CERKL: variants seen among roughly 807,000 people sequenced by gnomAD.
CERKL encodes CERK like autophagy regulator.
In CERKL, 61 loss-of-function variants were observed where a neutral mutation model predicts 63.4. That is an observed-to-expected ratio of 0.96 (90% CI 0.78 to 1.19). The LOEUF (loss-of-function observed/expected upper bound fraction) is 1.19. Ranked by LOEUF, CERKL falls within the 50% of genes most tolerant of loss-of-function variation. The pLI is 0.00. For synonymous variants in CERKL, 250 were observed against 230.5 expected (o/e 1.08, Z -0.77); for missense variants, 675 against 655.5 (o/e 1.03, Z -0.33).
At chr2:181,644,316 A>T (rs1332483598) in intron 1 of CERKL, among the ~76,000 whole-genome samples, 1 of 152,252 alleles carries the variant, frequency 6.6e-6, no homozygotes, top group African/African-American at 2.4e-5. Context: ...TGATCCCTTC[A>T]TCATTTCTTC....
intron 2 of CERKL, among the ~76,000 whole-genome samples, chr2:181,582,379 C>A (rs1168615892): frequency 6.6e-6 from 1 of 152,090 alleles, no homozygotes; most frequent in African/African-American, 2.4e-5. Context: ...AGCAACACAG[C>A]AACAGTTGTA....
chr2:181,616,487 C>G (rs1193261810), intron 1 of CERKL, among the ~76,000 whole-genome samples: 1 of 152,136 alleles, frequency 6.6e-6, no homozygotes, highest in Non-Finnish European at 1.5e-5. Context: ...GTTGGGATTA[C>G]AGGTGTGAGC....
intron 1 of CERKL, among the ~76,000 whole-genome samples, chr2:181,656,268 A>C (rs7596272): frequency 0.27 from 41,285 of 152,122 alleles, 6,756 homozygotes; most frequent in Middle Eastern, 0.4. Flanking sequence ...ACACTCCCAA[A>C]GCTCTGGAGT....
At chr2:181,561,974 C>A (rs1010051278) in intron 4 of CERKL, among the ~76,000 whole-genome samples, 2 of 151,962 alleles carry the variant, frequency 1.3e-5, no homozygotes, top group African/African-American at 2.4e-5. Flanking sequence ...CCATCACACC[C>A]GGCTAATTTT....
chr2:181,636,692 T>C (rs1687193545), intron 1 of CERKL, among the ~76,000 whole-genome samples: 1 of 152,198 alleles, frequency 6.6e-6, no homozygotes, highest in African/African-American at 2.4e-5. Context: ...TTTCTTTTTC[T>C]AGAATGGTTT....
intron 1 of CERKL, among the ~76,000 whole-genome samples, chr2:181,610,124 C>T (rs1224144419): frequency 6.6e-6 from 1 of 152,028 alleles, no homozygotes; most frequent in Non-Finnish European, 1.5e-5. Context: ...GAAATATTTG[C>T]AACATATGAC....
At chr2:181,573,628 T>C in intron 3 of CERKL, 125 bp downstream of exon 3, 1 of 719,114 alleles carries the variant, frequency 1.4e-6, no homozygotes, top group East Asian at 2.9e-5. Flanking sequence ...CAGTAGGTTA[T>C]GAAGACGTAA....
rs200432563 is a variant in CERKL, at chr2:181,656,938, C to T, written c.69G>A (p.Pro23=). 3.1e-5 allele frequency: 50 copies of T among 1,589,176 alleles called. No homozygotes were observed. The East Asian group carries it at 1.0e-3, about 33-fold the overall frequency. ...GCGCCGGAGGCACAGCGGCAGCCTC[C>T]GGGGGCGCCTCTTCCTCCCGGCCGC... ...LEGGREEEAP[P]EAAAVPPALL... is the part of the protein sequence containing the mutation. Residue 23 remains proline (P), a synonymous_variant, in exon 1 of 13, where the codon CCG becomes CCA. Transcript: ENST00000410087.
Position 181,558,547 on chromosome 2 carries a change from T to C in CERKL, c.820+19A>G. 6.2e-7 allele frequency: 1 copy of C among 1,612,370 alleles called. No individual in the cohort carries two copies. The highest frequency in any genetic ancestry group is 8.5e-7 in the Non-Finnish European group (1 of 1,179,182). ...GAGGGAGAAGGGTCAGTTTAATGAATCTGTAGCCACTCCCTTGCCTGCTGG... is the reference window on the plus strand; with the variant it reads ...GAGGGAGAAGGGTCAGTTTAATGAACCTGTAGCCACTCCCTTGCCTGCTGG... On this transcript the variant is annotated intron_variant, in intron 5 of 12. Transcript: ENST00000410087. The surrounding 1 kb of genome is among the most constrained non-coding windows in gnomAD (Gnocchi z 4.2).
At chr2:181,647,963 T>C (rs1418573621) in intron 1 of CERKL, among the ~76,000 whole-genome samples, 1 of 151,744 alleles carries the variant, frequency 6.6e-6, no homozygotes, top group Non-Finnish European at 1.5e-5. Context: ...GCTTCAAGAA[T>C]AGACCAGATC....
At position 181,550,754 on chromosome 2, in the gene CERKL, C is replaced by T. The variant is rs1687949512; in HGVS notation, c.821-1046G>A. Among the ~76,000 whole-genome samples the T allele has an allele frequency of 6.6e-6, 1 of 151,902 alleles. No individual in the cohort carries two copies. Among genetic ancestry groups the T allele is most frequent in the Non-Finnish European group, 1.5e-5 (1 of 67,956 alleles). ...AATTGGAGAAGCTGAGGCAGCTTAG[C>T]CATTATCAACCAAGAGGTCATTAAT... On this transcript the variant is annotated intron_variant, in intron 5 of 12. Coordinates refer to ENST00000410087, the MANE Select transcript of CERKL (RefSeq NM_201548.5). This position sits in a 1 kb window ranked among gnomAD's most constrained non-coding sequence, Gnocchi z 4.5.
intron 1 of CERKL, among the ~76,000 whole-genome samples, chr2:181,624,841 T>C (rs1436902834): frequency 6.6e-6 from 1 of 152,198 alleles, no homozygotes; most frequent in Non-Finnish European, 1.5e-5. Context: ...AGGAGGTACA[T>C]ATTTAGAGGC....
chr2:181,590,863 A>C (rs1206862603), intron 2 of CERKL, among the ~76,000 whole-genome samples: 1 of 152,182 alleles, frequency 6.6e-6, no homozygotes, highest in African/African-American at 2.4e-5. Flanking sequence ...CATGGAAAGG[A>C]ATTTATCAAT....
intron 1 of CERKL, among the ~76,000 whole-genome samples, chr2:181,609,985 T>C (rs1161326219): frequency 1.3e-5 from 2 of 151,920 alleles, no homozygotes; most frequent in Non-Finnish European, 1.5e-5. Context: ...TAACCTTAAA[T>C]AGAAAAGCCG....
intron 1 of CERKL, among the ~76,000 whole-genome samples, chr2:181,612,334 T>TGA: frequency 6.6e-6 from 1 of 152,192 alleles, no homozygotes; most frequent in South Asian, 2.1e-4. Context: ...CATGAGTTTT[T>TGA]TTAAGTATAT....
chr2:181,609,318 TG>T (rs1393913387), intron 1 of CERKL, among the ~76,000 whole-genome samples: 1 of 141,316 alleles, frequency 7.1e-6, no homozygotes, highest in Non-Finnish European at 1.5e-5. Context: ...TGGTATTTTT[TG>T]ATGTAAGGAA....
At position 181,634,946 on chromosome 2, in the gene CERKL, T is replaced by C. The variant is rs75242140; in HGVS notation, c.238+21823A>G. On this transcript the variant is annotated intron_variant, in intron 1 of 12. Coordinates refer to ENST00000410087, the MANE Select transcript of CERKL (RefSeq NM_201548.5). ...CCATATCACACAAAAAAGGACAATGTACACAATGAATGCTAATTAAACATT... is the reference window on the plus strand; with the variant it reads ...CCATATCACACAAAAAAGGACAATGCACACAATGAATGCTAATTAAACATT... 5.0e-3 allele frequency among the ~76,000 whole-genome samples: 766 copies of C among 152,282 alleles called. 20 individuals are homozygous for C. The East Asian group carries it at 0.088, about 17-fold the overall frequency.
At chr2:181,571,307 C>A (rs968333209) in intron 3 of CERKL, among the ~76,000 whole-genome samples, 1 of 152,030 alleles carries the variant, frequency 6.6e-6, no homozygotes, top group Non-Finnish European at 1.5e-5. Context: ...TAAGTAAATT[C>A]TAAATTTGCT....
intron 5 of CERKL, among the ~76,000 whole-genome samples, chr2:181,553,852 C>T (rs1193197646): frequency 6.6e-6 from 1 of 152,062 alleles, no homozygotes; most frequent in Admixed American, 6.6e-5. Context: ...TTGGGATAAT[C>T]TGAAAGATGG....
Sources: allele counts gnomAD v4.1 joint callset (sites outside exome capture counted in the v4.1 genomes callset), GRCh38; gene constraint gnomAD v4.1.1; non-coding constraint Gnocchi (gnomAD v3.1); transcripts MANE v1.5; gene names NCBI Gene and HGNC (gene_info 2026-07-23, HGNC 2026-07-21).